The following CFAP52 variants were observed in gnomAD, a reference collection of about 807,000 sequenced individuals.
The protein encoded by CFAP52 is cilia and flagella associated protein 52.
A neutral mutation model predicts 70.5 loss-of-function variants in CFAP52; 57 were observed. That is an observed-to-expected ratio of 0.81 (90% CI 0.65 to 1.01). CFAP52 has a LOEUF of 1.01. Among genes scored for constraint, CFAP52 ranks in the 50% least tolerant of loss-of-function variants. The pLI, the probability that CFAP52 is intolerant of heterozygous loss-of-function variation, is 0.00. For synonymous variants in CFAP52, 267 were observed against 292.5 expected (o/e 0.91, Z 0.89); for missense variants, 785 against 788.5 (o/e 1.00, Z 0.05).
chr17:9,586,352 T>C (rs1020191594), intron 2 of CFAP52, among the ~76,000 whole-genome samples: 29 of 151,946 alleles, frequency 1.9e-4, no homozygotes, highest in Admixed American at 1.2e-3. Context: ...TCCCCTGAGG[T>C]CAGGAGTTCG....
intron 1 of CFAP52, among the ~76,000 whole-genome samples, chr17:9,585,394 C>G (rs565019415): frequency 6.6e-6 from 1 of 152,106 alleles, no homozygotes; most frequent in African/African-American, 2.4e-5. Flanking sequence ...GTTGGCCGGG[C>G]GCGGTGGCTC....
intron 8 of CFAP52, among the ~76,000 whole-genome samples, 177 bp from the exon 9 acceptor site, chr17:9,628,495 G>A (rs993100102): frequency 4.0e-5 from 6 of 151,706 alleles, no homozygotes; most frequent in Non-Finnish European, 7.4e-5. Context: ...GGTCAGGCTG[G>A]TCTCAAACTC....
chr17:9,615,795 CTTTTTTT>C lies in CFAP52; in HGVS notation c.1025+3334_1025+3340del, dbSNP rs1190663709. Among the ~76,000 whole-genome samples the C allele has an allele frequency of 6.8e-3, 456 of 67,428 alleles. 6 individuals are homozygous for C. The highest frequency in any genetic ancestry group is 0.02 in the African/African-American group (430 of 21,060). 44.2% of individuals were successfully genotyped at this position (67,428 alleles called of 152,430 possible). ...AGCTAATTAAAACAAAAAAAAAATT[CTTTTTTT>C]TTTTTTTTTTTTTTTTTCCCAGAAA... On this transcript the variant is annotated intron_variant, in intron 8 of 13. Transcript: ENST00000352665.
chr17:9,604,897 A>G (rs1909424009), intron 6 of CFAP52, among the ~76,000 whole-genome samples: 1 of 152,192 alleles, frequency 6.6e-6, no homozygotes, highest in African/African-American at 2.4e-5. Context: ...ATGAGGCACG[A>G]CTACATACCT....
intron 12 of CFAP52, chr17:9,639,245 C>A (rs1364268060): frequency 6.6e-6 from 1 of 152,496 alleles, no homozygotes; most frequent in Non-Finnish European, 1.5e-5. Context: ...GCCTAGCCAA[C>A]ATGGTGAAAC....
chr17:9,631,303 G>A (rs1910530475), intron 9 of CFAP52, among the ~76,000 whole-genome samples: 1 of 151,850 alleles, frequency 6.6e-6, no homozygotes, highest in Non-Finnish European at 1.5e-5. Flanking sequence ...AACACACTGG[G>A]CATAGATAGA....
At chr17:9,608,322 A>T (rs1013699380) in intron 7 of CFAP52, 103 bp downstream of exon 7, 4 of 939,570 alleles carry the variant, frequency 4.3e-6, no homozygotes, top group Admixed American at 3.4e-5. Context: ...ATATTTGGTT[A>T]AAAAATTTCA....
At chr17:9,597,898 T>C (rs74857551) in intron 4 of CFAP52, among the ~76,000 whole-genome samples, 1,564 of 151,900 alleles carry the variant, frequency 0.01, 30 homozygotes, top group African/African-American at 0.036. Context: ...GAGGAAGACA[T>C]TTAATAAGCT....
chr17:9,612,347 T>C lies in CFAP52; in HGVS notation c.893T>C (p.Leu298Pro). The C allele has an allele frequency of 6.2e-7, 1 of 1,614,186 alleles. No homozygotes were observed. The highest frequency in any genetic ancestry group is 2.2e-5 in the East Asian group (1 of 44,882). Reference protein sequence around the residue: ...QLQGGITSITLRGEGHQFLVG... With the variant: ...QLQGGITSITPRGEGHQFLVG... ...CAAGGCGGCATCACTTCTATCACACTTCGAGGAGAAGGACACCAGTTTCTC... is the reference window on the plus strand; with the variant it reads ...CAAGGCGGCATCACTTCTATCACACCTCGAGGAGAAGGACACCAGTTTCTC... Residue 298 changes from leucine (L) to proline (P), a missense_variant, in exon 8 of 14, where the codon CTT becomes CCT. Transcript: ENST00000352665.
chr17:9,637,394 G>A (rs1002443501), intron 11 of CFAP52, among the ~76,000 whole-genome samples: 1 of 152,196 alleles, frequency 6.6e-6, no homozygotes, highest in Non-Finnish European at 1.5e-5. Flanking sequence ...CTTTAAAAAT[G>A]CTCAGCTCAG....
At chr17:9,635,303 C>A (rs563061239) in intron 10 of CFAP52, 102 bp from the exon 11 acceptor site, 4 of 1,508,362 alleles carry the variant, frequency 2.7e-6, no homozygotes, top group African/African-American at 1.4e-5. Context: ...ATTAAAAAAA[C>A]ACAAATCAAG....
At chr17:9,602,467 T>C (rs927351299) in intron 6 of CFAP52, among the ~76,000 whole-genome samples, 5 of 152,220 alleles carry the variant, frequency 3.3e-5, no homozygotes, top group African/African-American at 9.6e-5. Context: ...TTCTTTTTTA[T>C]GGCTGCATAG....
In CFAP52 at chr17:9,590,085, T is replaced by C. The variant is rs541024878; in HGVS notation, c.407+3251T>C. On this transcript the variant is annotated intron_variant, in intron 3 of 13. Coordinates refer to ENST00000352665, the MANE Select transcript of CFAP52 (RefSeq NM_145054.5). ...ATGGATATGTTCCGTGAGAATCCAGTTGTTTTTTGAATACATTCCCCTCCA... is the reference window on the plus strand; with the variant it reads ...ATGGATATGTTCCGTGAGAATCCAGCTGTTTTTTGAATACATTCCCCTCCA... 5 of 198,700 alleles carry C rather than the reference T, an allele frequency of 2.5e-5. No homozygotes were observed. In the South Asian group the frequency reaches 4.5e-4, roughly 18 times the overall value. The allele number at this position is 198,700 out of a possible 1,614,324, so 12.3% of individuals were successfully genotyped here. A position where few individuals can be genotyped will look rare whatever the true frequency, so the allele number is the denominator to read the frequency against.
At chr17:9,594,893 GTTTT>G (rs11378454) in intron 4 of CFAP52, among the ~76,000 whole-genome samples, 3 of 130,770 alleles carry the variant, frequency 2.3e-5, no homozygotes, top group African/African-American at 5.7e-5. Flanking sequence ...ATTAGGGAGG[GTTTT>G]TTTTTTTTTT....
At chr17:9,622,057 T>C (rs1000186986) in intron 8 of CFAP52, among the ~76,000 whole-genome samples, 4 of 146,600 alleles carry the variant, frequency 2.7e-5, no homozygotes, top group African/African-American at 1.0e-4. Flanking sequence ...AGTTAACCAA[T>C]GTTTGTATCT....
intron 6 of CFAP52, among the ~76,000 whole-genome samples, chr17:9,601,872 T>C (rs1033697441): frequency 6.6e-6 from 1 of 152,260 alleles, no homozygotes; most frequent in African/African-American, 2.4e-5. Context: ...ACAGAACAGA[T>C]GGTTCTAACT....
At chr17:9,576,792 G>T (rs1907967058) in intron 1 of CFAP52, 27 bp downstream of exon 1, 1 of 1,603,640 alleles carries the variant, frequency 6.2e-7, no homozygotes, top group Non-Finnish European at 8.5e-7. Flanking sequence ...CTTTGGGCTG[G>T]CTGGTTTAGG....
At chr17:9,631,018 GAAAGAA>G (rs1567634782) in intron 9 of CFAP52, among the ~76,000 whole-genome samples, 13 of 63,472 alleles carry the variant, frequency 2.0e-4, no homozygotes, top group African/African-American at 9.2e-4. Flanking sequence ...AAGAAAGAAA[GAAAGAA>G]AGAAAGAGAG....
chr17:9,593,268 T>C (rs1234888166), intron 3 of CFAP52, among the ~76,000 whole-genome samples: 1 of 152,192 alleles, frequency 6.6e-6, no homozygotes, highest in East Asian at 1.9e-4. Flanking sequence ...GTTGTATGAT[T>C]GCACCCAGAA....
Sources: allele counts gnomAD v4.1 joint callset (sites outside exome capture counted in the v4.1 genomes callset), GRCh38; gene constraint gnomAD v4.1.1; transcripts MANE v1.5; gene names NCBI Gene and HGNC (gene_info 2026-07-23, HGNC 2026-07-21).